Variants in BBS4 observed in about 807,000 individuals in gnomAD.
The protein encoded by BBS4 is Bardet-Biedl syndrome 4, also known as BBSome complex member BBS4.
A neutral mutation model predicts 71.4 loss-of-function variants in BBS4; 58 were observed. That is an observed-to-expected ratio of 0.81 (90% CI 0.66 to 1.01). The LOEUF is 1.01. Among genes scored for constraint, BBS4 ranks in the 50% least tolerant of loss-of-function variants. The probability of loss-of-function intolerance (pLI) is 0.00; values close to 1 mark genes in which losing one functional copy is unlikely to be tolerated. For missense variants in BBS4, 660 were observed against 607.9 expected (o/e 1.09, Z -0.90); for synonymous variants, 228 against 216.8 (o/e 1.05, Z -0.46).
intron 3 of BBS4, among the ~76,000 whole-genome samples, chr15:72,710,911 C>T (rs1177661243): frequency 6.6e-6 from 1 of 152,014 alleles, no homozygotes; most frequent in East Asian, 1.9e-4. Flanking sequence ...CTGCCTCAGC[C>T]TCCCAAGTCG....
chr15:72,735,528 T>TA, intron 13 of BBS4: 1 of 531,778 alleles, frequency 1.9e-6, no homozygotes, highest in Non-Finnish European at 3.4e-6. Flanking sequence ...TTCCAGGATT[T>TA]ACTCCGCTGG....
chr15:72,724,719 C>A lies in BBS4; in HGVS notation c.587+64C>A, dbSNP rs1595937532. 5 of 1,591,068 alleles carry A rather than the reference C, an allele frequency of 3.1e-6. No homozygotes were observed. In the Middle Eastern group the frequency reaches 5.0e-4, roughly 160 times the overall value. On this transcript the variant is annotated intron_variant, in intron 8 of 15. Coordinates refer to ENST00000268057, the MANE Select transcript of BBS4 (RefSeq NM_033028.5). ...AAAAAATTGAGTGGATATGTGAACT[C>A]CCAAGCCTAAAAGAGTGAATATGTT...
At chr15:72,689,328 C>T (rs569523150) in intron 1 of BBS4, among the ~76,000 whole-genome samples, 4 of 152,322 alleles carry the variant, frequency 2.6e-5, no homozygotes, top group South Asian at 4.1e-4. Context: ...CAGTGTGGGA[C>T]GCAGAAATTC....
Position 72,735,896 on chromosome 15 carries a change from C to A in BBS4, c.1178C>A (p.Ala393Asp). Reference protein sequence around the residue: ...YNQGEKKNALAQYQEMEKKVS... With the variant: ...YNQGEKKNALDQYQEMEKKVS... ...CAGGGCGAGAAGAAGAACGCCCTGG[C>A]CCAATATCAGGAGATGGAGAAGAAA... The change falls in exon 14 of 16, where the codon GCC (alanine) becomes GAC (aspartate). Residue 393 changes from alanine (A) to aspartate (D), a missense_variant. Ala to Asp is a moderately radical substitution (Grantham distance 126). Transcript: ENST00000268057. 1 of 1,614,014 alleles carries A rather than the reference C, an allele frequency of 6.2e-7. No homozygotes were observed. The highest frequency in any genetic ancestry group is 1.1e-5 in the South Asian group (1 of 91,074).
At position 72,737,639 on chromosome 15, in the gene BBS4, G is replaced by A; in HGVS notation, c.*52G>A. On this transcript the variant is annotated 3_prime_UTR_variant, in exon 16 of 16. Coordinates refer to ENST00000268057, the MANE Select transcript of BBS4 (RefSeq NM_033028.5). ...GGTTTTCTTGGGCGAGGATGTGCTGGATTAGGAAAGGTGACATGACACAGG... is the reference window on the plus strand; with the variant it reads ...GGTTTTCTTGGGCGAGGATGTGCTGAATTAGGAAAGGTGACATGACACAGG... 1 of 1,405,970 alleles carries A rather than the reference G, an allele frequency of 7.1e-7. No homozygotes were observed. The highest frequency in any genetic ancestry group is 2.5e-5 in the East Asian group (1 of 40,404). 87.1% of individuals were successfully genotyped at this position (1,405,970 alleles called of 1,614,324 possible).
Position 72,699,212 on chromosome 15 carries a change from G to T in BBS4, c.76+3984G>T, listed in dbSNP as rs180911492. 3.3e-4 allele frequency among the ~76,000 whole-genome samples: 50 copies of T among 151,344 alleles called. No homozygotes were observed. The East Asian group carries it at 9.5e-3, about 29-fold the overall frequency. ...AGTGATTCTCTTGCCTCAGCTTCCC[G>T]TGTAGCTGGTATTACAGGTGCCCAC... On this transcript the variant is annotated intron_variant, in intron 2 of 15. Coordinates refer to ENST00000268057, the MANE Select transcript of BBS4 (RefSeq NM_033028.5).
At chr15:72,702,964 C>G (rs181977124) in intron 2 of BBS4, among the ~76,000 whole-genome samples, 1 of 145,508 alleles carries the variant, frequency 6.9e-6, no homozygotes, top group Non-Finnish European at 1.5e-5. Context: ...CCCGCCACTA[C>G]GCCCGGCTAA....
intron 8 of BBS4, among the ~76,000 whole-genome samples, chr15:72,727,229 G>A (rs1412430541): frequency 1.3e-5 from 2 of 152,166 alleles, no homozygotes; most frequent in East Asian, 3.9e-4. Flanking sequence ...ATTGTTCATA[G>A]CCCTTTGGTG....
rs763161323 is a variant in BBS4 at position 72,737,524 on chromosome 15, G to A, written c.1497G>A (p.Leu499=). The change falls in exon 16 of 16, where the codon CTG becomes CTA. Residue 499 remains leucine, a synonymous_variant. Transcript: ENST00000268057. ...TCACAAAGCCCCCATCTCTTCCTCT[G>A]GAGCCAGAGCCTGCGGTGGAATCAA... ...SQFTKPPSLP[L]EPEPAVESSP... 3 of 1,613,188 alleles carry A rather than the reference G, an allele frequency of 1.9e-6. No individual in the cohort carries two copies. The highest frequency in any genetic ancestry group is 1.7e-5 in the Admixed American group (1 of 59,894).
At chr15:72,735,244 G>A (rs755926798) in intron 13 of BBS4, 62 bp downstream of exon 13, 2 of 1,277,274 alleles carry the variant, frequency 1.6e-6, no homozygotes, top group Non-Finnish European at 2.3e-6. Flanking sequence ...ATGAGGTGGT[G>A]CCATACATAG....
intron 1 of BBS4, among the ~76,000 whole-genome samples, chr15:72,693,005 T>C (rs1378725741): frequency 2.0e-5 from 3 of 152,180 alleles, no homozygotes; most frequent in Non-Finnish European, 4.4e-5. Flanking sequence ...TCCTCTTATT[T>C]CATGCCTTGG....
rs774340525 is a variant in BBS4, at chr15:72,715,342, A to G, written c.272A>G (p.Gln91Arg). The part of the protein sequence containing the change: ...GNIQESLELF[Q>R]TCAVLSPQSA... ...ATCCAAGAATCCCTAGAACTCTTCC[A>G]GACATGTGCAGTTCTTAGTCCTCAG... The change falls in exon 5 of 16, where the codon CAG (glutamine) becomes CGG (arginine). Residue 91 changes from glutamine to arginine, a missense_variant. Transcript: ENST00000268057. The G allele has an allele frequency of 2.5e-6, 4 of 1,614,114 alleles. No individual in the cohort carries two copies. In the South Asian group the frequency reaches 3.3e-5, roughly 13 times the overall value.
intron 2 of BBS4, among the ~76,000 whole-genome samples, chr15:72,702,082 G>A (rs929040678): frequency 6.6e-6 from 1 of 151,486 alleles, no homozygotes; most frequent in Non-Finnish European, 1.5e-5. Flanking sequence ...TCTTGACCTC[G>A]TGATCTGCCT....
At chr15:72,704,250 C>G (rs1429057301) in intron 2 of BBS4, among the ~76,000 whole-genome samples, 1 of 152,100 alleles carries the variant, frequency 6.6e-6, no homozygotes, top group Non-Finnish European at 1.5e-5. Context: ...TACCTGACCT[C>G]TGTGGTAACA....
At chr15:72,732,101 C>T (rs1283626299) in intron 12 of BBS4, among the ~76,000 whole-genome samples, 1 of 152,136 alleles carries the variant, frequency 6.6e-6, no homozygotes, top group Non-Finnish European at 1.5e-5. Context: ...ATTATATGTA[C>T]CTAGGGCTGA....
chr15:72,737,432 C>T, intron 15 of BBS4, 46 bp from the exon 16 acceptor site: 1 of 1,494,016 alleles, frequency 6.7e-7, no homozygotes, highest in East Asian at 2.3e-5. Flanking sequence ...ATGATTTCTT[C>T]TGAAATTGTG....
At chr15:72,704,056 A>G (rs1008781053) in intron 2 of BBS4, among the ~76,000 whole-genome samples, 1 of 152,194 alleles carries the variant, frequency 6.6e-6, no homozygotes, top group Non-Finnish European at 1.5e-5. Context: ...AAGGGGGAAG[A>G]GATGTTACAA....
intron 2 of BBS4, among the ~76,000 whole-genome samples, chr15:72,701,615 A>C (rs1249343549): frequency 6.6e-6 from 1 of 152,206 alleles, no homozygotes; most frequent in East Asian, 1.9e-4. Context: ...TTATATGTGC[A>C]TAGAAATTCC....
At chr15:72,686,418 C>T (rs764175944) in intron 1 of BBS4, 167 bp downstream of exon 1, 14 of 1,534,426 alleles carry the variant, frequency 9.1e-6, no homozygotes, top group South Asian at 2.4e-5. Flanking sequence ...GAACTGGTCG[C>T]CTGGGGCAAG....
Sources: gnomAD v4.1 joint callset for allele counts (sites outside exome capture counted in the v4.1 genomes callset) on GRCh38, gnomAD v4.1.1 for gene constraint, MANE v1.5 for transcripts, NCBI Gene and HGNC (gene_info 2026-07-23, HGNC 2026-07-21) for gene names.